Variants in RAI14 observed in about 807,000 individuals in gnomAD.
The protein encoded by RAI14 is ankycorbin.
A neutral mutation model predicts 115.4 loss-of-function variants in RAI14; 45 were observed. That is an observed-to-expected ratio of 0.39 (90% CI 0.31 to 0.50). RAI14 has a LOEUF of 0.50. Ranked by LOEUF, RAI14 falls within the 20% of genes least tolerant of loss-of-function variation. The pLI, the probability that RAI14 is intolerant of heterozygous loss-of-function variation, is 0.85. For missense variants in RAI14, 939 were observed against 1,131.2 expected, an observed-to-expected ratio of 0.83 and a Z score of 2.44; for synonymous variants, 371 against 415.4, an observed-to-expected ratio of 0.89 and a Z score of 1.30.
In RAI14 at chr5:34,768,937, C is replaced by T. The variant is rs571605131; in HGVS notation, c.167+11339C>T. Reference sequence around the variant, plus strand: ...CTGGGAGGTGGAGGTTGCAGCGAGCCGAGATGGTGCCACTGCACTCCAGCT... The same window carrying T: ...CTGGGAGGTGGAGGTTGCAGCGAGCTGAGATGGTGCCACTGCACTCCAGCT... On this transcript the variant is annotated intron_variant, in intron 3 of 17. Transcript: ENST00000265109. 4.6e-5 allele frequency among the ~76,000 whole-genome samples: 7 copies of T among 151,174 alleles called. No individual in the cohort carries two copies. In the East Asian group the frequency reaches 7.8e-4, roughly 17 times the overall value.
In RAI14 at chr5:34,665,003, G is replaced by GTA. The variant is rs70973003; in HGVS notation, c.-49+8542_-49+8543dup. ...ATCCATCATATATATATATATATGT[G>GTA]TATATATATATATATGTGTATATAT... On this transcript the variant is annotated intron_variant, in intron 1 of 17. Transcript: ENST00000265109. Among the ~76,000 whole-genome samples the GTA allele has an allele frequency of 8.6e-4, 15 of 17,426 alleles. 4 individuals are homozygous for GTA. Among genetic ancestry groups the GTA allele is most frequent in the African/African-American group, 2.2e-3 (15 of 6,930 alleles). The allele number at this position is 17,426 out of a possible 152,430, so 11.4% of individuals were successfully genotyped here. A position where few individuals can be genotyped will look rare whatever the true frequency, so the allele number is the denominator to read the frequency against.
In RAI14 at chr5:34,821,285, T is replaced by A. The variant is rs1304429834; in HGVS notation, c.995-447T>A. On this transcript the variant is annotated intron_variant, in intron 13 of 17. Coordinates refer to ENST00000265109, the MANE Select transcript of RAI14 (RefSeq NM_015577.3). ...GGAAGAAGAGAGAGGCAGAGATTTG[T>A]TGGGAAGCTGTTTGCAGAGTTTCCA... is the stretch of plus-strand genomic sequence containing the variant. Among the ~76,000 whole-genome samples the A allele has an allele frequency of 3.3e-5, 5 of 152,254 alleles. No homozygotes were observed. In the East Asian group the frequency reaches 9.6e-4, roughly 29 times the overall value.
chr5:34,714,966 T>C (rs2149976281), intron 2 of RAI14, among the ~76,000 whole-genome samples: 1 of 152,148 alleles, frequency 6.6e-6, no homozygotes, highest in East Asian at 1.9e-4. Flanking sequence ...CTAGAGGAGG[T>C]CCAAATGCTG....
chr5:34,696,558 C>T (rs1739263937), intron 2 of RAI14, among the ~76,000 whole-genome samples: 2 of 152,218 alleles, frequency 1.3e-5, no homozygotes, highest in Admixed American at 1.3e-4. Context: ...CTCTTGCTGG[C>T]AGCCTCGAAA....
At chr5:34,775,323 A>T (rs935890367) in intron 3 of RAI14, among the ~76,000 whole-genome samples, 2 of 152,200 alleles carry the variant, frequency 1.3e-5, no homozygotes, top group African/African-American at 4.8e-5. Context: ...CAAAGAGATA[A>T]CCCACAGAAT....
chr5:34,771,597 G>C (rs6875322), intron 3 of RAI14, among the ~76,000 whole-genome samples: 1 of 152,092 alleles, frequency 6.6e-6, no homozygotes, highest in African/African-American at 2.4e-5. Flanking sequence ...AATAGCAACA[G>C]TTCAAGCCTC....
intron 1 of RAI14, among the ~76,000 whole-genome samples, chr5:34,677,703 T>C (rs1298086654): frequency 6.6e-6 from 1 of 152,208 alleles, no homozygotes; most frequent in Admixed American, 6.5e-5. Flanking sequence ...CCTCCCAAAG[T>C]GCTGGGATTA....
chr5:34,767,622 C>CCA (rs1749587391), intron 3 of RAI14, among the ~76,000 whole-genome samples: 1 of 146,704 alleles, frequency 6.8e-6, no homozygotes, highest in South Asian at 2.3e-4. Context: ...CCCACCACCC[C>CCA]CCACCCCATT....
intron 2 of RAI14, among the ~76,000 whole-genome samples, chr5:34,711,378 G>A (rs548390074): frequency 6.6e-6 from 1 of 152,282 alleles, no homozygotes; most frequent in African/African-American, 2.4e-5. Flanking sequence ...AAGGGTGGGG[G>A]AAATTATAAA....
intron 2 of RAI14, among the ~76,000 whole-genome samples, chr5:34,698,896 C>CGGGATTT (rs1336411634): frequency 2.0e-5 from 3 of 151,980 alleles, no homozygotes; most frequent in African/African-American, 7.3e-5. Context: ...GCAAGAACGA[C>CGGGATTT]GGGATTTGAG....
At chr5:34,697,807 T>G (rs1012092910) in intron 2 of RAI14, among the ~76,000 whole-genome samples, 5 of 152,192 alleles carry the variant, frequency 3.3e-5, no homozygotes, top group Non-Finnish European at 5.9e-5. Flanking sequence ...TTATATTGAT[T>G]AGTTTAATCT....
chr5:34,784,758 C>T (rs562770407), intron 3 of RAI14, among the ~76,000 whole-genome samples: 37 of 152,308 alleles, frequency 2.4e-4, no homozygotes, highest in East Asian at 1.2e-3. Flanking sequence ...ACTTGCTTTT[C>T]GATTAGCTGC....
intron 2 of RAI14, among the ~76,000 whole-genome samples, chr5:34,735,242 G>C (rs1415466815): frequency 6.6e-6 from 1 of 152,150 alleles, no homozygotes; most frequent in Non-Finnish European, 1.5e-5. Flanking sequence ...AGGACTGATA[G>C]TGGTTTCATT....
intron 2 of RAI14, among the ~76,000 whole-genome samples, chr5:34,709,275 C>T (rs1480661915): frequency 1.3e-5 from 2 of 152,000 alleles, no homozygotes; most frequent in Admixed American, 1.3e-4. Context: ...TGGCGAAACC[C>T]CGTCTCTACT....
intron 3 of RAI14, among the ~76,000 whole-genome samples, chr5:34,762,750 T>G (rs1000641757): frequency 3.9e-5 from 6 of 152,154 alleles, no homozygotes; most frequent in Admixed American, 6.5e-5. Flanking sequence ...TCCTCAAACC[T>G]CTTACCGTAG....
At chr5:34,752,747 G>GTATA (rs1401812633) in intron 2 of RAI14, among the ~76,000 whole-genome samples, 2 of 109,562 alleles carry the variant, frequency 1.8e-5, no homozygotes, top group South Asian at 5.8e-4. Flanking sequence ...GTGTGTGTGT[G>GTATA]TGTATATATA....
Position 34,823,314 on chromosome 5 carries a change from A to G in RAI14, c.1472A>G (p.Lys491Arg). ...CAGAAACTTAAAGAAACTCAGAGCA[A>G]ATACGAGGAGGCTATGAAAGAAGTC... Reference protein sequence around the residue: ...LSQKLKETQSKYEEAMKEVLS... With the variant: ...LSQKLKETQSRYEEAMKEVLS... Residue 491 changes from lysine to arginine, a missense_variant, in exon 15 of 18, where the codon AAA becomes AGA. Coordinates refer to ENST00000265109, the MANE Select transcript of RAI14 (RefSeq NM_015577.3). This position sits in a 1 kb window ranked among gnomAD's most constrained non-coding sequence, Gnocchi z 4.5. 2 of 1,614,052 alleles carry G rather than the reference A, an allele frequency of 1.2e-6. No individual in the cohort carries two copies. Among genetic ancestry groups the G allele is most frequent in the Non-Finnish European group, 1.7e-6 (2 of 1,180,020 alleles).
At chr5:34,739,545 G>A (rs1382114145) in intron 2 of RAI14, among the ~76,000 whole-genome samples, 1 of 152,172 alleles carries the variant, frequency 6.6e-6, no homozygotes, top group Non-Finnish European at 1.5e-5. Context: ...TCAAATAGTT[G>A]CAATGGAGAC....
chr5:34,778,212 G>A (rs1751127058), intron 3 of RAI14, among the ~76,000 whole-genome samples: 1 of 152,214 alleles, frequency 6.6e-6, no homozygotes, highest in Admixed American at 6.5e-5. Flanking sequence ...TATGTTTAGT[G>A]TAGTGCTACT....
Sources: gnomAD v4.1 joint callset for allele counts (sites outside exome capture counted in the v4.1 genomes callset) on GRCh38, gnomAD v4.1.1 for gene constraint, Gnocchi (gnomAD v3.1) non-coding constraint, MANE v1.5 for transcripts, NCBI Gene and HGNC (gene_info 2026-07-23, HGNC 2026-07-21) for gene names.